GRIN2B: variants seen among roughly 807,000 people sequenced by gnomAD.
GRIN2B encodes glutamate ionotropic receptor NMDA type subunit 2B, also known as glutamate receptor ionotropic, NMDA 2B.
A neutral mutation model predicts 114.5 loss-of-function variants in GRIN2B; 5 were observed. The observed-to-expected ratio is 0.04, with a 90% CI of 0.02 to 0.09. The LOEUF (loss-of-function observed/expected upper bound fraction) is 0.09. GRIN2B is among the 10% of genes least tolerant of loss of function. GRIN2B has a pLI of 1.00. For missense variants in GRIN2B, 1,108 were observed against 1,943.5 expected (o/e 0.57, Z 8.08); for synonymous variants, 787 against 745.1 (o/e 1.06, Z -0.92).
intron 2 of GRIN2B, among the ~76,000 whole-genome samples, chr12:13,947,631 T>C (rs371106504): frequency 6.6e-5 from 10 of 152,324 alleles, no homozygotes; most frequent in African/African-American, 2.2e-4. Context: ...TTGTATGTAT[T>C]CTTAGATTTT....
intron 5 of GRIN2B, among the ~76,000 whole-genome samples, chr12:13,649,096 C>G (rs1949790531): frequency 6.6e-6 from 1 of 152,060 alleles, no homozygotes; most frequent in Non-Finnish European, 1.5e-5. Flanking sequence ...CCTCTGAGCT[C>G]AGCTTCCTCA....
chr12:13,600,334 C>T (rs1266705229), intron 10 of GRIN2B, among the ~76,000 whole-genome samples: 1 of 152,190 alleles, frequency 6.6e-6, no homozygotes, highest in East Asian at 1.9e-4. Context: ...AAGCCAAATT[C>T]TTTACCCAGG....
intron 9 of GRIN2B, among the ~76,000 whole-genome samples, chr12:13,609,033 AG>A (rs1293258394): frequency 6.6e-6 from 1 of 152,120 alleles, no homozygotes; most frequent in East Asian, 1.9e-4. Flanking sequence ...AGGGTTCCTT[AG>A]GAGAAAAACC....
rs907241839 is a variant in GRIN2B, at chr12:13,737,854, C to T, written c.1010+15463G>A. 5.3e-5 allele frequency among the ~76,000 whole-genome samples: 8 copies of T among 152,272 alleles called. No individual in the cohort carries two copies. In the South Asian group the frequency reaches 8.3e-4, roughly 16 times the overall value. ...TCTTCTTCTTATTCCTTTAGACAAA[C>T]GTAAAGTTTCCAAGTGTTTAATCAG... On this transcript the variant is annotated intron_variant, in intron 4 of 13. Transcript: ENST00000609686.
At chr12:13,583,957 TG>T (rs1007461350) in intron 10 of GRIN2B, among the ~76,000 whole-genome samples, 3 of 152,120 alleles carry the variant, frequency 2.0e-5, no homozygotes, top group Non-Finnish European at 4.4e-5. Context: ...GGACGTTTAC[TG>T]GAAAACTACT....
At chr12:13,762,758 G>A (rs1026041357) in intron 3 of GRIN2B, among the ~76,000 whole-genome samples, 8 of 152,324 alleles carry the variant, frequency 5.3e-5, no homozygotes, top group African/African-American at 1.7e-4. Context: ...AGCTCCATAT[G>A]GAGTGAGAGA....
intron 5 of GRIN2B, among the ~76,000 whole-genome samples, chr12:13,666,015 G>T (rs1400718082): frequency 6.6e-6 from 1 of 152,186 alleles, no homozygotes; most frequent in East Asian, 1.9e-4. Flanking sequence ...AGTCAAAGAT[G>T]ATGACCTCAG....
chr12:13,579,983 C>T (rs1360908404), intron 10 of GRIN2B, among the ~76,000 whole-genome samples: 1 of 152,204 alleles, frequency 6.6e-6, no homozygotes, highest in Non-Finnish European at 1.5e-5. Context: ...CTTTAAGACT[C>T]CTCCAACCTG....
At position 13,869,241 on chromosome 12, in the gene GRIN2B, CTT is replaced by C. The variant is rs377460231; in HGVS notation, c.-18-3017_-18-3016del. 6.0e-3 allele frequency among the ~76,000 whole-genome samples: 762 copies of C among 127,336 alleles called. 3 individuals carry two copies. The highest frequency in any genetic ancestry group is 9.7e-3 in the African/African-American group (325 of 33,656). The allele number at this position is 127,336 out of a possible 152,430, so 83.5% of individuals were successfully genotyped here. A position where few individuals can be genotyped will look rare whatever the true frequency, so the allele number is the denominator to read the frequency against. ...AACTTTTTTCTTTTTCTTTTTTTTT[CTT>C]TTTTTTTTTTTTTTTGGTGGGGAGG... On this transcript the variant is annotated intron_variant, in intron 2 of 13. Transcript: ENST00000609686.
intron 3 of GRIN2B, among the ~76,000 whole-genome samples, chr12:13,821,140 T>G (rs796289602): frequency 4.6e-5 from 7 of 152,234 alleles, no homozygotes; most frequent in African/African-American, 1.7e-4. Flanking sequence ...AATGCTTTCC[T>G]ACTATTTCTC....
chr12:13,887,720 G>C (rs542156217), intron 2 of GRIN2B, among the ~76,000 whole-genome samples: 108 of 152,314 alleles, frequency 7.1e-4, no homozygotes, highest in African/African-American at 2.5e-3. Flanking sequence ...CTGATGGTTT[G>C]TGGATCTCAT....
At chr12:13,678,091 A>G (rs561475204) in intron 4 of GRIN2B, among the ~76,000 whole-genome samples, 1 of 152,116 alleles carries the variant, frequency 6.6e-6, no homozygotes, top group Non-Finnish European at 1.5e-5. Flanking sequence ...CAACCCAGAG[A>G]TTCACTTTTT....
At chr12:13,641,207 G>T (rs1345426549) in intron 5 of GRIN2B, among the ~76,000 whole-genome samples, 4 of 151,984 alleles carry the variant, frequency 2.6e-5, no homozygotes, top group Non-Finnish European at 5.9e-5. Flanking sequence ...AAGTAGCTGG[G>T]ATTACAGGTG....
intron 2 of GRIN2B, among the ~76,000 whole-genome samples, chr12:13,918,633 A>G (rs1018484414): frequency 2.6e-5 from 4 of 152,220 alleles, no homozygotes; most frequent in African/African-American, 9.6e-5. Context: ...TTCATTTTCA[A>G]TGCACGCTCT....
chr12:13,693,172 G>C (rs1469713552), intron 4 of GRIN2B, among the ~76,000 whole-genome samples: 1 of 152,062 alleles, frequency 6.6e-6, no homozygotes, highest in African/African-American at 2.4e-5. Context: ...TTTGTGACCA[G>C]AGAGATACTA....
intron 2 of GRIN2B, among the ~76,000 whole-genome samples, chr12:13,941,989 A>G (rs1867263812): frequency 6.6e-6 from 1 of 152,202 alleles, no homozygotes; most frequent in Admixed American, 6.5e-5. Context: ...TTTGAGTCAC[A>G]ACTTGTTCAA....
intron 4 of GRIN2B, among the ~76,000 whole-genome samples, chr12:13,679,005 A>G (rs1950103607): frequency 6.6e-6 from 1 of 152,004 alleles, no homozygotes. Flanking sequence ...AAGAGGAAGG[A>G]AAGAAGGAAA....
intron 3 of GRIN2B, among the ~76,000 whole-genome samples, chr12:13,863,116 AG>A (rs1385487495): frequency 1.3e-5 from 2 of 152,202 alleles, no homozygotes; most frequent in African/African-American, 4.8e-5. Flanking sequence ...GGAAGGAGCA[AG>A]GGGAAAGTGA....
chr12:13,834,010 T>G lies in GRIN2B; in HGVS notation c.411+31788A>C, dbSNP rs1027084779. ...GCAAGGTGAAAACACAGTAGTCTCT[T>G]TGCTAACTTCTTTTTTTTTTTTTTT... On this transcript the variant is annotated intron_variant, in intron 3 of 13. Transcript: ENST00000609686. 5.3e-5 allele frequency among the ~76,000 whole-genome samples: 8 copies of G among 150,284 alleles called. 1 individual carries two copies. In the East Asian group the frequency reaches 7.8e-4, roughly 15 times the overall value.
Sources: allele counts gnomAD v4.1 joint callset (sites outside exome capture counted in the v4.1 genomes callset), GRCh38; gene constraint gnomAD v4.1.1; transcripts MANE v1.5; gene names NCBI Gene and HGNC (gene_info 2026-07-23, HGNC 2026-07-21).